CYP4F3: variants seen among roughly 807,000 people sequenced by gnomAD.
CYP4F3 encodes cytochrome P450 4F3.
Under a neutral mutation model 54.8 loss-of-function variants are expected in CYP4F3, and 50 were observed. The observed-to-expected ratio is 0.91, with a 90% CI of 0.73 to 1.16. The LOEUF (loss-of-function observed/expected upper bound fraction) is 1.16, where lower values mean the gene tolerates loss of function less well. Among genes scored for constraint, CYP4F3 ranks in the 50% most tolerant of loss-of-function variants. CYP4F3 has a pLI of 0.00. For synonymous variants in CYP4F3, 244 were observed against 262.6 expected, an observed-to-expected ratio of 0.93 and a Z score of 0.69; for missense variants, 715 against 676.2, an observed-to-expected ratio of 1.06 and a Z score of -0.64.
At chr19:15,653,569 C>T (rs1263933402) in intron 9 of CYP4F3, among the ~76,000 whole-genome samples, 4 of 152,052 alleles carry the variant, frequency 2.6e-5, no homozygotes, top group South Asian at 2.1e-4. Context: ...TCCCAGCCCA[C>T]GTGGGCAGGG....
At position 15,641,659 on chromosome 19, in the gene CYP4F3, C is replaced by T. The variant is rs776378451; in HGVS notation, c.198+46C>T. On this transcript the variant is annotated intron_variant, in intron 2 of 12. Coordinates refer to ENST00000221307, the MANE Select transcript of CYP4F3 (RefSeq NM_000896.3). ...GGTCTGGGGTCTCAGGGTGGATGGA[C>T]TTCCTGAGGGGTAAGAATGAGGCTC... 23 of 1,461,822 alleles carry T rather than the reference C, an allele frequency of 1.6e-5. No individual in the cohort carries two copies. In the South Asian group the frequency reaches 2.6e-4, roughly 16 times the overall value. The allele number at this position is 1,461,822 out of a possible 1,614,324, so 90.6% of individuals were successfully genotyped here.
At position 15,643,870 on chromosome 19, in the gene CYP4F3, C is replaced by T. The variant is rs563742331; in HGVS notation, c.199-1849C>T. The stretch of plus-strand genomic sequence containing the variant: ...CAGTCAAGTGGACACCTAGAATTAA[C>T]CATGACAGGAGGTGACGGCCCCTGC... On this transcript the variant is annotated intron_variant, in intron 2 of 12. Coordinates refer to ENST00000221307, the MANE Select transcript of CYP4F3 (RefSeq NM_000896.3). The T allele has an allele frequency of 2.5e-4, 377 of 1,503,782 alleles. No homozygotes were observed. The African/African-American group carries it at 4.7e-3, about 19-fold the overall frequency. 93.2% of individuals were successfully genotyped at this position (1,503,782 alleles called of 1,614,324 possible).
intron 3 of CYP4F3, 37 bp from the exon 4 acceptor site, chr19:15,647,015 T>G (rs1972646568): frequency 6.2e-7 from 1 of 1,612,142 alleles, no homozygotes; most frequent in African/African-American, 1.3e-5. Flanking sequence ...CTCCTTCACC[T>G]GCCTCCATGG....
intron 9 of CYP4F3, among the ~76,000 whole-genome samples, chr19:15,653,227 C>A (rs1273657406): frequency 6.6e-6 from 1 of 152,046 alleles, no homozygotes; most frequent in East Asian, 1.9e-4. Context: ...AATGAACTTC[C>A]CCTCCACTCT....
intron 2 of CYP4F3, among the ~76,000 whole-genome samples, chr19:15,643,173 G>A (rs1192340472): frequency 6.6e-6 from 1 of 151,106 alleles, no homozygotes; most frequent in East Asian, 1.9e-4. Context: ...AGATAGATAG[G>A]TAGGTAGATA....
rs764778687 is a variant in CYP4F3 at position 15,658,602 on chromosome 19, G to A, written c.1314+47G>A. The A allele has an allele frequency of 1.9e-6, 3 of 1,612,518 alleles. No individual in the cohort carries two copies. The African/African-American group carries it at 4.0e-5, about 21-fold the overall frequency. On this transcript the variant is annotated intron_variant, in intron 11 of 12. Transcript: ENST00000221307. ...TTTTGTCCATTCCAAGGCTCCTAGA[G>A]GAGGGGGCAGGGTTTTGATCAGGAG...
At chr19:15,655,958 A>G (rs1020952031) in intron 9 of CYP4F3, among the ~76,000 whole-genome samples, 26 of 152,220 alleles carry the variant, frequency 1.7e-4, no homozygotes, top group African/African-American at 6.3e-4. Flanking sequence ...AGCAATTTCA[A>G]CTAATACAAT....
chr19:15,660,588 C>T lies in CYP4F3; in HGVS notation c.*1203C>T, dbSNP rs1284827544. 2.0e-5 allele frequency: 3 copies of T among 152,100 alleles called. No individual in the cohort carries two copies. The highest frequency in any genetic ancestry group is 7.2e-5 in the African/African-American group (3 of 41,406). 9.4% of individuals were successfully genotyped at this position (152,100 alleles called of 1,614,324 possible). On this transcript the variant is annotated 3_prime_UTR_variant, in exon 13 of 13. Coordinates refer to ENST00000221307, the MANE Select transcript of CYP4F3 (RefSeq NM_000896.3). Reference sequence around the variant, plus strand: ...TGGAAGAGTGGGGATAAATCTGGTTCGTTTGGCATCAGAGGCCATGACTTT... The same window carrying T: ...TGGAAGAGTGGGGATAAATCTGGTTTGTTTGGCATCAGAGGCCATGACTTT...
At chr19:15,648,121 T>C (rs4808346) in intron 5 of CYP4F3, among the ~76,000 whole-genome samples, 69,845 of 151,800 alleles carry the variant, frequency 0.46, 17,348 homozygotes, top group East Asian at 0.68. Context: ...GAAGGTTTTG[T>C]GAAGTGTTTA....
At chr19:15,643,506 C>T (rs111623786) in intron 2 of CYP4F3, among the ~76,000 whole-genome samples, 159 of 152,028 alleles carry the variant, frequency 1.0e-3, no homozygotes, top group Non-Finnish European at 1.6e-3. Flanking sequence ...GAGTTTATTT[C>T]GGGAATTGGC....
At chr19:15,656,794 C>T (rs1973039497) in intron 9 of CYP4F3, among the ~76,000 whole-genome samples, 1 of 150,984 alleles carries the variant, frequency 6.6e-6, no homozygotes, top group Non-Finnish European at 1.5e-5. Context: ...ATCTATCTCT[C>T]CACCATCTAT....
chr19:15,652,564 T>C lies in CYP4F3; in HGVS notation c.919-5T>C, dbSNP rs1182708175. 1 of 1,613,962 alleles carries C rather than the reference T, an allele frequency of 6.2e-7. No individual in the cohort carries two copies. The highest frequency in any genetic ancestry group is 1.3e-5 in the African/African-American group (1 of 74,890). ...GGGGGTGGGGGGTTATTGCCTTCTCTCCAGGATGAAGATGGGAAGAAGTTG... is the reference window on the plus strand; with the variant it reads ...GGGGGTGGGGGGTTATTGCCTTCTCCCCAGGATGAAGATGGGAAGAAGTTG... On this transcript the variant is annotated splice_region_variant and splice_polypyrimidine_tract_variant and intron_variant, in intron 7 of 12. Transcript: ENST00000221307.
At chr19:15,645,644 C>T in intron 2 of CYP4F3, 75 bp from the exon 3 acceptor site, 2 of 1,500,738 alleles carry the variant, frequency 1.3e-6, no homozygotes, top group Non-Finnish European at 9.0e-7. Context: ...GAGAGGGCTT[C>T]CACCTCTTCC....
intron 7 of CYP4F3, among the ~76,000 whole-genome samples, chr19:15,652,058 T>TAG (rs28371482): frequency 0.014 from 2,044 of 150,494 alleles, 23 homozygotes; most frequent in Non-Finnish European, 0.022. Context: ...ACATTTTCTA[T>TAG]AGAGAGAGAG....
rs144931279 is a variant in CYP4F3 at position 15,658,357 on chromosome 19, C to T, written c.1209C>T (p.Thr403=). Residue 403 remains threonine, a synonymous_variant, in exon 10 of 13, where the codon ACC becomes ACT. Coordinates refer to ENST00000221307, the MANE Select transcript of CYP4F3 (RefSeq NM_000896.3). ...TCCCTGCCGTCTCTCGCTGCTGCAC[C>T]CAAGACATTGTGCTCCCAGACGGCC... The part of the protein sequence containing the change: ...PPVPAVSRCC[T]QDIVLPDGRV... The T allele has an allele frequency of 3.9e-5, 63 of 1,614,034 alleles. 1 individual carries two copies. The Middle Eastern group carries it at 1.5e-3, about 38-fold the overall frequency.
intron 4 of CYP4F3, 23 bp downstream of exon 4, chr19:15,647,128 G>A (rs1972650809): frequency 3.7e-6 from 6 of 1,613,992 alleles, no homozygotes; most frequent in Non-Finnish European, 5.1e-6. Flanking sequence ...AGGTGAACAG[G>A]GTTGGGAACA....
At chr19:15,645,537 T>C (rs1010428437) in intron 2 of CYP4F3, among the ~76,000 whole-genome samples, 182 bp from the exon 3 acceptor site, 2 of 152,200 alleles carry the variant, frequency 1.3e-5, no homozygotes, top group African/African-American at 4.8e-5. Flanking sequence ...TCTGTGTAAC[T>C]GAAGGACTGG....
intron 7 of CYP4F3, among the ~76,000 whole-genome samples, chr19:15,651,024 C>T (rs972809321): frequency 7.3e-5 from 11 of 150,796 alleles, no homozygotes; most frequent in South Asian, 2.1e-4. Flanking sequence ...TACAGGGGCA[C>T]GCCACCATGC....
At position 15,652,857 on chromosome 19, in the gene CYP4F3, CCTGTA is replaced by C. The variant is rs1388440614; in HGVS notation, c.1022_1026del (p.Leu341ProfsTer24). The C allele has an allele frequency of 1.9e-6, 3 of 1,613,768 alleles. No individual in the cohort carries two copies. The highest frequency in any genetic ancestry group is 2.5e-6 in the Non-Finnish European group (3 of 1,179,794). On this transcript the variant is annotated frameshift_variant, in exon 9 of 13. Coordinates refer to ENST00000221307, the MANE Select transcript of CYP4F3 (RefSeq NM_000896.3). LOFTEE classifies it high-confidence loss of function. ...CCACAGCCAGTGGTCTCTCCTGGGTCCTGTACCACCTTGCAAAGCACCCGGAATAC... is the reference window on the plus strand; with the variant it reads ...CCACAGCCAGTGGTCTCTCCTGGGTCCCACCTTGCAAAGCACCCGGAATAC...
Sources: gnomAD v4.1 joint callset for allele counts (sites outside exome capture counted in the v4.1 genomes callset) on GRCh38, gnomAD v4.1.1 for gene constraint, MANE v1.5 for transcripts, NCBI Gene and HGNC (gene_info 2026-07-23, HGNC 2026-07-21) for gene names.